Variants in STAB2 observed in about 807,000 individuals in gnomAD.
STAB2 encodes the protein stabilin-2.
STAB2 carries 288 observed loss-of-function variants against 338.1 expected under a neutral mutation model. That is an observed-to-expected ratio of 0.85 (90% CI 0.77 to 0.94). The LOEUF (loss-of-function observed/expected upper bound fraction) is 0.94. Among genes scored for constraint, STAB2 ranks in the 40% least tolerant of loss-of-function variants. The pLI, the probability that STAB2 is intolerant of heterozygous loss-of-function variation, is 0.00. For missense variants in STAB2, 3,141 were observed against 3,210.1 expected (o/e 0.98, Z 0.52); for synonymous variants, 1,202 against 1,193.3 (o/e 1.01, Z -0.15).
In STAB2 at chr12:103,715,900, C is replaced by CTGGTT. The variant is rs1186767293; in HGVS notation, c.4611+13_4611+14insGGTTT. 6.2e-7 allele frequency: 1 copy of CTGGTT among 1,613,720 alleles called. No individual in the cohort carries two copies. Among genetic ancestry groups the CTGGTT allele is most frequent in the African/African-American group, 1.3e-5 (1 of 74,898 alleles). ...CAGGACCCAACCAGGTGAGTGCCACCTCTCCCAGGCCCTTAGGTTTCCTAA... is the reference window on the plus strand; with the variant it reads ...CAGGACCCAACCAGGTGAGTGCCACCTGGTTTCTCCCAGGCCCTTAGGTTTCCTAA... On this transcript the variant is annotated intron_variant, in intron 43 of 68. Coordinates refer to ENST00000388887, the MANE Select transcript of STAB2 (RefSeq NM_017564.10).
chr12:103,716,622 A>T (rs1880337067), intron 43 of STAB2, among the ~76,000 whole-genome samples: 1 of 152,194 alleles, frequency 6.6e-6, no homozygotes, highest in African/African-American at 2.4e-5. Flanking sequence ...TAAAGTACGC[A>T]AAAATAAGGA....
Position 103,755,412 on chromosome 12 carries a change from T to C in STAB2, c.6825T>C (p.Tyr2275=). Residue 2275 remains tyrosine (Y), a synonymous_variant, in exon 62 of 69, where the codon TAT becomes TAC. Transcript: ENST00000388887. ...CGSGVVGIVD[Y]GPRPNKSEMW... ...CTGGTGTGGTTGGGATAGTGGACTA[T>C]GGACCTAGACCCAACAAGAGTGAAA... 1.2e-6 allele frequency: 2 copies of C among 1,614,162 alleles called. No homozygotes were observed. Among genetic ancestry groups the C allele is most frequent in the South Asian group, 1.1e-5 (1 of 91,082 alleles).
At chr12:103,660,557 C>A in intron 16 of STAB2, 126 bp from the exon 17 acceptor site, 1 of 1,314,800 alleles carries the variant, frequency 7.6e-7, no homozygotes, top group South Asian at 1.2e-5. Flanking sequence ...CACAAAAACT[C>A]TTGAGATCAA....
At chr12:103,702,988 T>G (rs999145936) in intron 34 of STAB2, among the ~76,000 whole-genome samples, 160 bp from the exon 35 acceptor site, 1 of 152,248 alleles carries the variant, frequency 6.6e-6, no homozygotes, top group African/African-American at 2.4e-5. Flanking sequence ...AGACTTCCGC[T>G]CCTAAGTCAG....
intron 22 of STAB2, among the ~76,000 whole-genome samples, chr12:103,672,364 C>T (rs1021527351): frequency 5.3e-5 from 8 of 152,194 alleles, no homozygotes; most frequent in Admixed American, 5.2e-4. Flanking sequence ...TGAGGCCAGC[C>T]GGGCAGGACA....
intron 15 of STAB2, among the ~76,000 whole-genome samples, chr12:103,658,749 G>A (rs1434901042): frequency 3.3e-5 from 5 of 152,140 alleles, no homozygotes; most frequent in Non-Finnish European, 7.4e-5. Flanking sequence ...TGGCACAAAT[G>A]TTTATGGAAA....
rs905015994 is a variant in STAB2, at chr12:103,744,453, C to T, written c.6032-720C>T. Among the ~76,000 whole-genome samples the T allele has an allele frequency of 8.6e-5, 12 of 139,044 alleles. 1 individual carries two copies. The Admixed American group carries it at 9.4e-4, about 11-fold the overall frequency. 91.2% of individuals were successfully genotyped at this position (139,044 alleles called of 152,430 possible). ...AGGCATGATCCACTGCACCTGGCCA[C>T]AATTTTACTTTTTTTTTTTTTTTTT... On this transcript the variant is annotated intron_variant, in intron 56 of 68. Coordinates refer to ENST00000388887, the MANE Select transcript of STAB2 (RefSeq NM_017564.10).
At chr12:103,741,860 G>T (rs1882611545) in intron 55 of STAB2, among the ~76,000 whole-genome samples, 6 of 152,186 alleles carry the variant, frequency 3.9e-5, no homozygotes, top group Non-Finnish European at 4.4e-5. Context: ...TTACTAGCAT[G>T]CATACTCCAT....
chr12:103,655,712 A>T (rs1262952323), intron 15 of STAB2, 131 bp downstream of exon 15: 14 of 1,093,050 alleles, frequency 1.3e-5, no homozygotes, highest in Admixed American at 5.8e-5. Context: ...TCCAACAACC[A>T]AGGCAGGCAT....
At chr12:103,664,636 A>G (rs1264271560) in intron 18 of STAB2, among the ~76,000 whole-genome samples, 1 of 152,200 alleles carries the variant, frequency 6.6e-6, no homozygotes, top group Non-Finnish European at 1.5e-5. Flanking sequence ...ACAAGGAAAA[A>G]TGGTCTCATT....
At position 103,759,161 on chromosome 12, in the gene STAB2, AC is replaced by A; in HGVS notation, c.7138del (p.Leu2380SerfsTer67). ...TTGTCTGGGCGGGACATCGAGCACC[AC>A]CTCGCCAATGTCAGCATGTTTTTCT... is the stretch of plus-strand genomic sequence containing the variant. ...ETLSGRDIEH[H>X]LANVSMFFYN... On this transcript the variant is annotated frameshift_variant, in exon 65 of 69. Transcript: ENST00000388887. LOFTEE classifies it high-confidence loss of function. 6.2e-7 allele frequency: 1 copy of A among 1,614,090 alleles called. No individual in the cohort carries two copies. Among genetic ancestry groups the A allele is most frequent in the Non-Finnish European group, 8.5e-7 (1 of 1,180,024 alleles).
intron 27 of STAB2, among the ~76,000 whole-genome samples, chr12:103,686,723 C>T (rs1237742904): frequency 6.6e-6 from 1 of 152,178 alleles, no homozygotes; most frequent in Non-Finnish European, 1.5e-5. Context: ...ATACCTCAAA[C>T]TCCAAGTGAT....
At chr12:103,701,977 TACACACACACACACACACACACACACAC>T (rs71097990) in intron 34 of STAB2, among the ~76,000 whole-genome samples, 1 of 143,948 alleles carries the variant, frequency 6.9e-6, no homozygotes, top group African/African-American at 2.6e-5. Flanking sequence ...TCAGCCCTGC[TACACACACACACACACACACACACACAC>T]ACACACACAC....
rs1874106664 is a variant in STAB2, at chr12:103,655,451, T to C, written c.1609-5T>C. ...CAGATACAAAATTTCATTTCCCAAA[T>C]GCAGGAAACCAATTTGGGACATGCC... is the stretch of plus-strand genomic sequence containing the variant. On this transcript the variant is annotated splice_polypyrimidine_tract_variant and splice_region_variant and intron_variant, in intron 14 of 68. Coordinates refer to ENST00000388887, the MANE Select transcript of STAB2 (RefSeq NM_017564.10). 6.2e-7 allele frequency: 1 copy of C among 1,613,734 alleles called. No homozygotes were observed. The highest frequency in any genetic ancestry group is 2.2e-5 in the East Asian group (1 of 44,870).
chr12:103,644,530 AAAATAAATAAATAAATAAAT>A (rs58759684), intron 9 of STAB2, among the ~76,000 whole-genome samples: 34 of 144,332 alleles, frequency 2.4e-4, no homozygotes, highest in Middle Eastern at 3.6e-3. Context: ...ATGATCAATA[AAAATAAATAAATAAATAAAT>A]AAATAAATAA....
At chr12:103,648,554 C>T in intron 9 of STAB2, 136 bp from the exon 10 acceptor site, 3 of 1,141,934 alleles carry the variant, frequency 2.6e-6, no homozygotes, top group Non-Finnish European at 2.4e-6. Context: ...TCAGATACCA[C>T]ACTAGGAATG....
At chr12:103,672,424 C>T (rs904354748) in intron 22 of STAB2, among the ~76,000 whole-genome samples, 4 of 152,220 alleles carry the variant, frequency 2.6e-5, no homozygotes, top group Non-Finnish European at 4.4e-5. Flanking sequence ...CCTCTCAATC[C>T]AGGGCTACGG....
At chr12:103,730,330 C>T (rs1881537161) in intron 49 of STAB2, 74 bp downstream of exon 49, 2 of 1,503,312 alleles carry the variant, frequency 1.3e-6, no homozygotes, top group Admixed American at 2.1e-5. Context: ...GATTCGAAGT[C>T]ATCATTTTGA....
At chr12:103,608,305 AT>A (rs996562094) in intron 3 of STAB2, among the ~76,000 whole-genome samples, 8 of 150,368 alleles carry the variant, frequency 5.3e-5, no homozygotes, top group Admixed American at 1.3e-4. Context: ...AGCCTAGCTA[AT>A]TTTTTTTTTG....
Sources: allele counts gnomAD v4.1 joint callset (sites outside exome capture counted in the v4.1 genomes callset), GRCh38; gene constraint gnomAD v4.1.1; transcripts MANE v1.5; gene names NCBI Gene and HGNC (gene_info 2026-07-23, HGNC 2026-07-21).